The following NCKAP5 variants were observed in gnomAD, a reference collection of about 807,000 sequenced individuals.
NCKAP5 encodes the protein nck-associated protein 5.
A neutral mutation model predicts 167.0 loss-of-function variants in NCKAP5; 92 were observed. That is an observed-to-expected ratio of 0.55 (90% CI 0.47 to 0.66). NCKAP5 has a LOEUF of 0.66. Among genes scored for constraint, NCKAP5 ranks in the 30% least tolerant of loss-of-function variants. NCKAP5 has a pLI of 0.00. For synonymous variants in NCKAP5, 891 were observed against 877.4 expected, an observed-to-expected ratio of 1.02 and a Z score of -0.27; for missense variants, 2,378 against 2,315.0, an observed-to-expected ratio of 1.03 and a Z score of -0.56.
intron 8 of NCKAP5, among the ~76,000 whole-genome samples, chr2:132,889,638 G>A (rs1256083527): frequency 1.3e-5 from 2 of 152,112 alleles, no homozygotes; most frequent in Admixed American, 6.5e-5. Flanking sequence ...AATGACAAAG[G>A]TGCACATTGG....
chr2:132,788,788 TATTCAA>T (rs1380893913), intron 13 of NCKAP5, among the ~76,000 whole-genome samples: 1 of 152,228 alleles, frequency 6.6e-6, no homozygotes, highest in Non-Finnish European at 1.5e-5. Flanking sequence ...ATATAATTAA[TATTCAA>T]ATTCAAATTC....
At chr2:133,516,712 A>C (rs1196708809) in intron 3 of NCKAP5, among the ~76,000 whole-genome samples, 1 of 152,234 alleles carries the variant, frequency 6.6e-6, no homozygotes, top group African/African-American at 2.4e-5. Flanking sequence ...AATAAAGCAC[A>C]TCCCTATAAA....
At chr2:133,645,092 T>C in the NCKAP5 span, among the ~76,000 whole-genome samples, 2 of 152,164 alleles carry the variant, frequency 1.3e-5, no homozygotes, top group African/African-American at 2.4e-5. Flanking sequence ...CAATCAAAAG[T>C]GGAATTAAAA....
chr2:133,243,670 T>C (rs1429254431), intron 4 of NCKAP5, among the ~76,000 whole-genome samples: 4 of 152,218 alleles, frequency 2.6e-5, no homozygotes, highest in Non-Finnish European at 4.4e-5. Flanking sequence ...GCTATCATAT[T>C]TGATTGATAC....
At chr2:133,548,564 G>T (rs1686968941) in intron 2 of NCKAP5, among the ~76,000 whole-genome samples, 1 of 151,780 alleles carries the variant, frequency 6.6e-6, no homozygotes, top group Admixed American at 6.6e-5. Context: ...ACAGAGTGGG[G>T]GCCAATATTC....
intron 6 of NCKAP5, among the ~76,000 whole-genome samples, chr2:133,094,669 A>G (rs972172318): frequency 3.9e-5 from 6 of 152,198 alleles, no homozygotes; most frequent in South Asian, 2.1e-4. Context: ...ATGTTATGAG[A>G]CAAAAGGAAT....
chr2:133,251,472 T>C (rs1030083715), intron 4 of NCKAP5, among the ~76,000 whole-genome samples: 76 of 152,262 alleles, frequency 5.0e-4, no homozygotes, highest in African/African-American at 1.8e-3. Context: ...GGCCACATGG[T>C]TTTGACTTCA....
chr2:133,049,034 A>C (rs767651071), intron 6 of NCKAP5, among the ~76,000 whole-genome samples: 4 of 152,198 alleles, frequency 2.6e-5, no homozygotes, highest in Non-Finnish European at 4.4e-5. Context: ...ATTCATTTAT[A>C]AGAGTTAAAA....
intron 6 of NCKAP5, among the ~76,000 whole-genome samples, chr2:133,093,722 T>C (rs754730751): frequency 1.1e-4 from 17 of 152,196 alleles, no homozygotes; most frequent in Non-Finnish European, 4.4e-5. Flanking sequence ...CAATTACTGT[T>C]AGGGTTTGCA....
intron 3 of NCKAP5, among the ~76,000 whole-genome samples, chr2:133,481,948 G>T (rs900299770): frequency 1.3e-5 from 2 of 151,984 alleles, no homozygotes; most frequent in Non-Finnish European, 2.9e-5. Flanking sequence ...CTATATATTT[G>T]TACACTTTAA....
intron 4 of NCKAP5, among the ~76,000 whole-genome samples, chr2:133,263,036 T>G (rs1448265746): frequency 6.6e-6 from 1 of 152,190 alleles, no homozygotes; most frequent in Admixed American, 6.5e-5. Context: ...CACCTCTCTC[T>G]CAACTTCATT....
At chr2:132,760,210 A>C (rs13006029) in intron 16 of NCKAP5, among the ~76,000 whole-genome samples, 21,664 of 152,056 alleles carry the variant, frequency 0.14, 1,651 homozygotes, top group East Asian at 0.18. Flanking sequence ...CAGTTCTTGC[A>C]TTTCAGATCT....
intron 3 of NCKAP5, among the ~76,000 whole-genome samples, chr2:133,360,225 AGAATTGTGAT>A (rs1685009788): frequency 6.6e-6 from 1 of 152,218 alleles, no homozygotes; most frequent in Non-Finnish European, 1.5e-5. Flanking sequence ...CAGGCAGAAG[AGAATTGTGAT>A]GAATTCGGCA....
the NCKAP5 span, among the ~76,000 whole-genome samples, chr2:133,651,394 A>G: frequency 6.6e-6 from 1 of 152,236 alleles, no homozygotes; most frequent in Non-Finnish European, 1.5e-5. Context: ...GCCATGAGGT[A>G]TATGAAAAAG....
chr2:133,100,695 C>A (rs2149677390), intron 6 of NCKAP5, among the ~76,000 whole-genome samples: 1 of 152,160 alleles, frequency 6.6e-6, no homozygotes, highest in East Asian at 1.9e-4. Context: ...TGTAATTTAT[C>A]TTTTGATCAA....
intron 11 of NCKAP5, among the ~76,000 whole-genome samples, chr2:132,839,151 G>A (rs375057446): frequency 6.6e-6 from 1 of 151,912 alleles, no homozygotes; most frequent in South Asian, 2.1e-4. Flanking sequence ...TCTATTGTTT[G>A]TCTACTGCTT....
At chr2:132,863,386 A>C (rs79326088) in intron 10 of NCKAP5, among the ~76,000 whole-genome samples, 1 of 151,914 alleles carries the variant, frequency 6.6e-6, no homozygotes, top group African/African-American at 2.4e-5. Context: ...ACCTGAAAGC[A>C]ATAGTAACCA....
the NCKAP5 span, among the ~76,000 whole-genome samples, chr2:133,666,659 C>G: frequency 6.6e-6 from 1 of 151,612 alleles, no homozygotes; most frequent in East Asian, 1.9e-4. Flanking sequence ...CACATTATTT[C>G]CTTTGAATAG....
intron 19 of NCKAP5, among the ~76,000 whole-genome samples, chr2:132,675,541 A>G (rs1490614633): frequency 6.6e-6 from 1 of 152,132 alleles, no homozygotes; most frequent in African/African-American, 2.4e-5. Flanking sequence ...GACCTACTAC[A>G]CCAGAAACTC....
Sources: allele counts gnomAD v4.1 joint callset (sites outside exome capture counted in the v4.1 genomes callset), GRCh38; gene constraint gnomAD v4.1.1; transcripts MANE v1.5; gene names NCBI Gene and HGNC (gene_info 2026-07-23, HGNC 2026-07-21).